ST3GAL6: variants seen among roughly 807,000 people sequenced by gnomAD.
The protein encoded by ST3GAL6 is ST3 beta-galactoside alpha-2,3-sialyltransferase 6.
In ST3GAL6, 31 loss-of-function variants were observed where a neutral mutation model predicts 40.5. The ratio of observed to expected loss-of-function variants is 0.77; its 90% CI spans 0.58 to 1.03. The LOEUF (loss-of-function observed/expected upper bound fraction) is 1.03. ST3GAL6 is among the 50% of genes least tolerant of loss of function. The pLI is 0.00. For synonymous variants in ST3GAL6, 129 were observed against 136.9 expected, an observed-to-expected ratio of 0.94 and a Z score of 0.40; for missense variants, 357 against 393.2, an observed-to-expected ratio of 0.91 and a Z score of 0.78.
chr3:98,755,923 T>TCTAGA (rs1559730533), intron 1 of ST3GAL6, among the ~76,000 whole-genome samples: 3 of 152,244 alleles, frequency 2.0e-5, no homozygotes. Flanking sequence ...TTCTTCTTGA[T>TCTAGA]CTCCTCCTCA....
intron 6 of ST3GAL6, among the ~76,000 whole-genome samples, chr3:98,785,479 G>C (rs1940614736): frequency 6.6e-6 from 1 of 152,180 alleles, no homozygotes; most frequent in Non-Finnish European, 1.5e-5. Flanking sequence ...GCCATATGAA[G>C]ATTATGGTAG....
chr3:98,776,324 A>G (rs112311278), intron 5 of ST3GAL6, among the ~76,000 whole-genome samples: 1 of 152,222 alleles, frequency 6.6e-6, no homozygotes, highest in South Asian at 2.1e-4. Flanking sequence ...GAGTCAACTT[A>G]GTTCCTCAAG....
intron 1 of ST3GAL6, among the ~76,000 whole-genome samples, chr3:98,742,126 T>C (rs1421798970): frequency 2.0e-5 from 3 of 152,214 alleles, no homozygotes; most frequent in African/African-American, 4.8e-5. Context: ...TTCATCAATA[T>C]TTGGTTTGTA....
chr3:98,741,423 T>C (rs1377292590), intron 1 of ST3GAL6, among the ~76,000 whole-genome samples: 2 of 151,858 alleles, frequency 1.3e-5, no homozygotes, highest in African/African-American at 4.8e-5. Flanking sequence ...GGGAGGGGAA[T>C]TGGGGGGCAG....
rs1475544109 is a variant in ST3GAL6, at chr3:98,794,730, T to A, written c.*969T>A. On this transcript the variant is annotated 3_prime_UTR_variant, in exon 10 of 10. Transcript: ENST00000483910. The stretch of plus-strand genomic sequence containing the variant: ...GCCTGGCCAACATGGTGAAACCTCA[T>A]CTCTACTAAAATACAAAATAATTAG... The A allele has an allele frequency of 6.6e-6, 1 of 152,086 alleles. No homozygotes were observed. Among genetic ancestry groups the A allele is most frequent in the Non-Finnish European group, 1.5e-5 (1 of 68,058 alleles). The allele number at this position is 152,086 out of a possible 1,614,324, so 9.4% of individuals were successfully genotyped here.
At chr3:98,751,619 C>CT (rs1398288095) in intron 1 of ST3GAL6, among the ~76,000 whole-genome samples, 1 of 152,064 alleles carries the variant, frequency 6.6e-6, no homozygotes, top group Non-Finnish European at 1.5e-5. Context: ...TCTTTAATGC[C>CT]TTTCAGTACA....
At chr3:98,775,738 T>C (rs1418589248) in intron 5 of ST3GAL6, among the ~76,000 whole-genome samples, 1 of 152,224 alleles carries the variant, frequency 6.6e-6, no homozygotes, top group Non-Finnish European at 1.5e-5. Flanking sequence ...TTGGTCTTGC[T>C]GTTTCCTGCC....
At chr3:98,742,746 A>G (rs538294044) in intron 1 of ST3GAL6, among the ~76,000 whole-genome samples, 1 of 146,742 alleles carries the variant, frequency 6.8e-6, no homozygotes, top group South Asian at 2.1e-4. Context: ...TTGCCCAGGC[A>G]AGAGTGCAGT....
At chr3:98,762,940 C>T (rs142936175), upstream of ST3GAL6, 29 of 985,416 alleles carry the variant, frequency 2.9e-5, no homozygotes, top group East Asian at 7.9e-4. Context: ...ACATGATCAT[C>T]GCTGCCAGAG....
At chr3:98,790,193 G>A in intron 8 of ST3GAL6, among the ~76,000 whole-genome samples, 1 of 131,156 alleles carries the variant, frequency 7.6e-6, no homozygotes, top group East Asian at 2.1e-4. Flanking sequence ...TTTATTTTTG[G>A]TCTGTGTATA....
At chr3:98,746,595 GT>G (rs1936573987) in intron 1 of ST3GAL6, among the ~76,000 whole-genome samples, 1 of 151,988 alleles carries the variant, frequency 6.6e-6, no homozygotes, top group Non-Finnish European at 1.5e-5. Context: ...ACCTTTTAAT[GT>G]TTTCTCAGAT....
chr3:98,788,871 G>A (rs1940979286), intron 8 of ST3GAL6, among the ~76,000 whole-genome samples: 1 of 152,308 alleles, frequency 6.6e-6, no homozygotes, highest in African/African-American at 2.4e-5. Context: ...TGTCTGAGAT[G>A]CTCTGATAAA....
intron 1 of ST3GAL6, among the ~76,000 whole-genome samples, chr3:98,734,952 C>T (rs2084095546): frequency 6.6e-6 from 1 of 152,150 alleles, no homozygotes. Context: ...ATCTGCTAAC[C>T]ATGCAGACTG....
intron 1 of ST3GAL6, among the ~76,000 whole-genome samples, chr3:98,748,677 G>C (rs1936745960): frequency 6.6e-6 from 1 of 152,158 alleles, no homozygotes; most frequent in Non-Finnish European, 1.5e-5. Context: ...TGTTGGCCAG[G>C]CTGGTCTCGA....
In ST3GAL6 at chr3:98,795,406, T is replaced by G. The variant is rs1359522479; in HGVS notation, c.*1645T>G. ...TAGTTGATCTAACCCAGATTAGACA[T>G]GAATACCAGCATATGTTTGCAGAGT... On this transcript the variant is annotated 3_prime_UTR_variant, in exon 10 of 10. Transcript: ENST00000483910. 1 of 152,214 alleles carries G rather than the reference T, an allele frequency of 6.6e-6. No individual in the cohort carries two copies. Among genetic ancestry groups the G allele is most frequent in the Non-Finnish European group, 1.5e-5 (1 of 68,054 alleles). 9.4% of individuals were successfully genotyped at this position (152,214 alleles called of 1,614,324 possible).
chr3:98,745,712 C>G (rs1436465176), intron 1 of ST3GAL6, among the ~76,000 whole-genome samples: 1 of 152,162 alleles, frequency 6.6e-6, no homozygotes, highest in Non-Finnish European at 1.5e-5. Flanking sequence ...TCTTGTTAAG[C>G]CTCTTTCAGC....
upstream of ST3GAL6, among the ~76,000 whole-genome samples, chr3:98,762,034 A>G (rs72932660): frequency 8.9e-4 from 135 of 152,282 alleles, no homozygotes; most frequent in African/African-American, 3.2e-3. Context: ...CTTTGGCAGA[A>G]GGCTTATCTT....
intron 1 of ST3GAL6, among the ~76,000 whole-genome samples, chr3:98,757,095 C>T (rs1937478960): frequency 6.6e-6 from 1 of 152,050 alleles, no homozygotes; most frequent in African/African-American, 2.4e-5. Context: ...CAATGTATAA[C>T]TTTATTCTGA....
intron 1 of ST3GAL6, among the ~76,000 whole-genome samples, chr3:98,751,063 A>G (rs1333100505): frequency 1.4e-5 from 2 of 143,620 alleles, no homozygotes. Flanking sequence ...TTTTTTTGAG[A>G]TGGAGTCTCG....
Sources: gnomAD v4.1 joint callset for allele counts (sites outside exome capture counted in the v4.1 genomes callset) on GRCh38, gnomAD v4.1.1 for gene constraint, MANE v1.5 for transcripts, NCBI Gene and HGNC (gene_info 2026-07-23, HGNC 2026-07-21) for gene names.